The following ZMYM4 variants were observed in gnomAD, a reference collection of about 807,000 sequenced individuals.
ZMYM4 encodes zinc finger MYM-type protein 4.
Under a neutral mutation model 183.2 loss-of-function variants are expected in ZMYM4, and 31 were observed. The observed-to-expected ratio is 0.17, with a 90% CI of 0.13 to 0.23. The LOEUF (loss-of-function observed/expected upper bound fraction) is 0.23, where lower values mean the gene tolerates loss of function less well. Ranked by LOEUF, ZMYM4 falls within the 10% of genes least tolerant of loss-of-function variation. The pLI is 1.00. For missense variants in ZMYM4, 1,273 were observed against 1,840.3 expected, an observed-to-expected ratio of 0.69 and a Z score of 5.64; for synonymous variants, 592 against 631.2, an observed-to-expected ratio of 0.94 and a Z score of 0.93.
chr1:35,372,258 A>C (rs998087467), intron 7 of ZMYM4, among the ~76,000 whole-genome samples: 1 of 152,212 alleles, frequency 6.6e-6, no homozygotes, highest in Admixed American at 6.5e-5. Context: ...TTTAAAAAAT[A>C]TATCTTTGAG....
chr1:35,375,908 T>C (rs2148950771), intron 7 of ZMYM4, among the ~76,000 whole-genome samples: 1 of 152,222 alleles, frequency 6.6e-6, no homozygotes, highest in South Asian at 2.1e-4. Context: ...AAACCTCATC[T>C]CTACAAAAAG....
chr1:35,312,423 CA>C (rs1444841045), intron 1 of ZMYM4, among the ~76,000 whole-genome samples: 1 of 151,876 alleles, frequency 6.6e-6, no homozygotes, highest in African/African-American at 2.4e-5. Context: ...TCCATTTAAC[CA>C]TTTTTAGGTG....
Position 35,381,248 on chromosome 1 carries a change from C to A in ZMYM4, c.1182-11C>A. 6.4e-7 allele frequency: 1 copy of A among 1,555,402 alleles called. No homozygotes were observed. Among genetic ancestry groups the A allele is most frequent in the Non-Finnish European group, 8.7e-7 (1 of 1,153,070 alleles). The stretch of plus-strand genomic sequence containing the variant: ...ATACCATGGCTTATGTTATTTTTTT[C>A]TTATTTTTAGAGACATTTTAAATCC... On this transcript the variant is annotated splice_polypyrimidine_tract_variant and intron_variant, in intron 7 of 29. Transcript: ENST00000314607.
chr1:35,305,977 T>G (rs1471178689), intron 1 of ZMYM4, among the ~76,000 whole-genome samples: 1 of 152,236 alleles, frequency 6.6e-6, no homozygotes, highest in Non-Finnish European at 1.5e-5. Context: ...AGTCTGTGTC[T>G]CTATGTGGGT....
intron 1 of ZMYM4, among the ~76,000 whole-genome samples, chr1:35,279,796 C>T (rs1463782266): frequency 6.6e-6 from 1 of 152,166 alleles, no homozygotes; most frequent in Non-Finnish European, 1.5e-5. Flanking sequence ...ACCTTTCTTC[C>T]AGTTCCCAGT....
chr1:35,292,873 G>A (rs181522267), intron 1 of ZMYM4, among the ~76,000 whole-genome samples: 2 of 152,034 alleles, frequency 1.3e-5, no homozygotes, highest in Non-Finnish European at 2.9e-5. Flanking sequence ...CCGCCTTCCC[G>A]CCTTTACAGT....
intron 2 of ZMYM4, among the ~76,000 whole-genome samples, chr1:35,349,030 C>G (rs1643498290): frequency 6.6e-6 from 1 of 152,174 alleles, no homozygotes; most frequent in Non-Finnish European, 1.5e-5. Flanking sequence ...GAGTCTCCCT[C>G]TGTCACCCGG....
chr1:35,275,425 C>T (rs1016655109), intron 1 of ZMYM4, among the ~76,000 whole-genome samples: 3 of 151,998 alleles, frequency 2.0e-5, no homozygotes, highest in Non-Finnish European at 4.4e-5. Context: ...GACAGGGTTT[C>T]ACCATGTTGG....
chr1:35,281,413 C>T (rs1424339934), intron 1 of ZMYM4, among the ~76,000 whole-genome samples: 1 of 151,816 alleles, frequency 6.6e-6, no homozygotes, highest in Admixed American at 6.6e-5. Context: ...AACAATAGAA[C>T]TCATAGAAGC....
chr1:35,387,093 G>A lies in ZMYM4; in HGVS notation c.1927G>A (p.Val643Met), dbSNP rs1644594472. The change falls in exon 12 of 30, where the codon GTG (valine) becomes ATG (methionine). Residue 643 changes from valine to methionine, a missense_variant. Coordinates refer to ENST00000314607, the MANE Select transcript of ZMYM4 (RefSeq NM_005095.3). ...TGTAAGCATCCCCACAGGTTCCACAGTGTCAGCCGGAGGAGGTAGCACATC... is the reference window on the plus strand; with the variant it reads ...TGTAAGCATCCCCACAGGTTCCACAATGTCAGCCGGAGGAGGTAGCACATC... ...VIVSIPTGSTVSAGGGSTSAV... is the reference protein window; with the variant it reads ...VIVSIPTGSTMSAGGGSTSAV... The A allele has an allele frequency of 6.2e-7, 1 of 1,614,136 alleles. No homozygotes were observed. The highest frequency in any genetic ancestry group is 1.1e-5 in the South Asian group (1 of 91,090).
At chr1:35,328,898 T>C (rs183217022) in intron 2 of ZMYM4, among the ~76,000 whole-genome samples, 1 of 152,144 alleles carries the variant, frequency 6.6e-6, no homozygotes, top group East Asian at 1.9e-4. Flanking sequence ...AAAGATTAAC[T>C]GTATCTCAGG....
At chr1:35,269,202 G>C (rs1023255039) in intron 1 of ZMYM4, 117 bp downstream of exon 1, 1 of 1,347,798 alleles carries the variant, frequency 7.4e-7, no homozygotes, top group Non-Finnish European at 9.9e-7. Context: ...ACAAGGTTGC[G>C]GGCAGGTCTG....
intron 2 of ZMYM4, among the ~76,000 whole-genome samples, chr1:35,325,623 TTATCA>T (rs1284143952): frequency 6.6e-6 from 1 of 152,190 alleles, no homozygotes; most frequent in African/African-American, 2.4e-5. Flanking sequence ...ATTCTCATAG[TTATCA>T]TATTAAAATA....
intron 1 of ZMYM4, among the ~76,000 whole-genome samples, chr1:35,324,837 A>G (rs1179000478): frequency 6.6e-6 from 1 of 152,156 alleles, no homozygotes; most frequent in Non-Finnish European, 1.5e-5. Flanking sequence ...CTCTGTGTTT[A>G]AAGATCTGAA....
Position 35,389,320 on chromosome 1 carries a change from AT to A in ZMYM4, c.2436+239del, listed in dbSNP as rs1394435852. 6.6e-6 allele frequency among the ~76,000 whole-genome samples: 1 copy of A among 152,210 alleles called. No homozygotes were observed. The highest frequency in any genetic ancestry group is 1.5e-5 in the Non-Finnish European group (1 of 68,042). On this transcript the variant is annotated intron_variant, in intron 14 of 29. Transcript: ENST00000314607. The surrounding 1 kb of genome is among the most constrained non-coding windows in gnomAD (Gnocchi z 4.0). ...TTAAGACATTAAAATATTTAAACTT[AT>A]AATTTTATTCACTTATTATTTAAAT...
At chr1:35,295,665 C>G (rs1640971022) in intron 1 of ZMYM4, among the ~76,000 whole-genome samples, 1 of 152,116 alleles carries the variant, frequency 6.6e-6, no homozygotes, top group Admixed American at 6.5e-5. Context: ...CACAGCTCTG[C>G]TAAATGGGTA....
intron 13 of ZMYM4, among the ~76,000 whole-genome samples, 171 bp downstream of exon 13, chr1:35,387,775 A>G (rs1414758896): frequency 6.6e-6 from 1 of 152,160 alleles, no homozygotes; most frequent in Non-Finnish European, 1.5e-5. Flanking sequence ...TAGTTTTCTT[A>G]TATTATGTAG....
intron 1 of ZMYM4, among the ~76,000 whole-genome samples, chr1:35,291,085 G>A (rs2148715663): frequency 6.6e-6 from 1 of 152,218 alleles, no homozygotes; most frequent in Non-Finnish European, 1.5e-5. Context: ...TCAAGATGCA[G>A]TACATTTTCA....
At chr1:35,339,357 C>G (rs955056474) in intron 2 of ZMYM4, among the ~76,000 whole-genome samples, 8 of 152,026 alleles carry the variant, frequency 5.3e-5, no homozygotes, top group Non-Finnish European at 1.2e-4. Flanking sequence ...GCCTCAGCCT[C>G]CTGAGTAGCT....
Sources: allele counts gnomAD v4.1 joint callset (sites outside exome capture counted in the v4.1 genomes callset), GRCh38; gene constraint gnomAD v4.1.1; non-coding constraint Gnocchi (gnomAD v3.1); transcripts MANE v1.5; gene names NCBI Gene and HGNC (gene_info 2026-07-23, HGNC 2026-07-21).